Variants in GNAQ observed in about 807,000 individuals in gnomAD.
GNAQ encodes the protein guanine nucleotide-binding protein G(q) subunit alpha.
GNAQ carries 8 observed loss-of-function variants against 43.9 expected under a neutral mutation model. The observed-to-expected ratio is 0.18, with a 90% confidence interval of 0.11 to 0.33. GNAQ has a LOEUF of 0.33. Ranked by LOEUF, GNAQ falls within the 10% of genes least tolerant of loss-of-function variation. GNAQ has a pLI of 1.00. For missense variants in GNAQ, 158 were observed against 450.8 expected, an observed-to-expected ratio of 0.35 and a Z score of 5.88; for synonymous variants, 155 against 170.7, an observed-to-expected ratio of 0.91 and a Z score of 0.71.
chr9:77,917,476 T>C (rs531335393), intron 2 of GNAQ, among the ~76,000 whole-genome samples: 3 of 151,992 alleles, frequency 2.0e-5, no homozygotes, highest in East Asian at 1.9e-4. Flanking sequence ...AGTTTACCTA[T>C]AAACAAACCT....
chr9:77,888,615 G>C (rs535781266), intron 2 of GNAQ, among the ~76,000 whole-genome samples: 1 of 152,128 alleles, frequency 6.6e-6, no homozygotes, highest in Non-Finnish European at 1.5e-5. Context: ...CCTAAGGTTG[G>C]AGTTCTGCTT....
chr9:77,841,588 T>A (rs1056881504), intron 2 of GNAQ, among the ~76,000 whole-genome samples: 4 of 152,208 alleles, frequency 2.6e-5, no homozygotes, highest in African/African-American at 9.7e-5. Flanking sequence ...ATCCTAGAAT[T>A]TGTATATCAA....
At chr9:78,005,664 C>A (rs760193634) in intron 1 of GNAQ, among the ~76,000 whole-genome samples, 15 of 152,184 alleles carry the variant, frequency 9.9e-5, no homozygotes, top group Non-Finnish European at 2.1e-4. Context: ...ATCCTCCCAA[C>A]AAACTTGGTG....
At chr9:78,019,157 A>T (rs1823873940) in intron 1 of GNAQ, among the ~76,000 whole-genome samples, 2 of 152,242 alleles carry the variant, frequency 1.3e-5, no homozygotes, top group Non-Finnish European at 2.9e-5. Flanking sequence ...GATGTATTGG[A>T]TAAGGAAACA....
chr9:77,993,273 GATATATA>G (rs541566113), intron 1 of GNAQ, among the ~76,000 whole-genome samples: 210 of 152,014 alleles, frequency 1.4e-3, no homozygotes, highest in Non-Finnish European at 2.5e-3. Flanking sequence ...ATTAACAGTT[GATATATA>G]ATATATATAG....
rs560728801 is a variant in GNAQ at position 77,841,597 on chromosome 9, A to C, written c.322-25827T>G. On this transcript the variant is annotated intron_variant, in intron 2 of 6. Coordinates refer to ENST00000286548, the MANE Select transcript of GNAQ (RefSeq NM_002072.5). ...AGCTGCATCCTAGAATTTGTATATC[A>C]AATGAAGCTACAAGAATCATTATTA... Among the ~76,000 whole-genome samples the C allele has an allele frequency of 5.3e-5, 8 of 152,358 alleles. No individual in the cohort carries two copies. The East Asian group carries it at 1.5e-3, about 29-fold the overall frequency.
chr9:77,950,532 C>A (rs1055131520), intron 1 of GNAQ, among the ~76,000 whole-genome samples: 2 of 152,178 alleles, frequency 1.3e-5, no homozygotes, highest in Admixed American at 1.3e-4. Flanking sequence ...TCTGCTTTCT[C>A]ATGTATGAAA....
At chr9:77,842,672 C>T (rs979847196) in intron 2 of GNAQ, among the ~76,000 whole-genome samples, 1 of 152,060 alleles carries the variant, frequency 6.6e-6, no homozygotes, top group Non-Finnish European at 1.5e-5. Context: ...CCCTGGTTTC[C>T]CATGCTAGGA....
intron 1 of GNAQ, among the ~76,000 whole-genome samples, chr9:77,999,245 C>G (rs967377809): frequency 1.2e-4 from 18 of 152,012 alleles, no homozygotes; most frequent in African/African-American, 3.4e-4. Context: ...ATAACTTTGG[C>G]TTACATGATT....
intron 1 of GNAQ, among the ~76,000 whole-genome samples, chr9:77,987,537 T>G (rs1564171474): frequency 6.6e-6 from 1 of 152,172 alleles, no homozygotes; most frequent in Non-Finnish European, 1.5e-5. Flanking sequence ...TGTGAATATC[T>G]CTCGGCAATC....
At chr9:77,977,295 C>A (rs565161208) in intron 1 of GNAQ, among the ~76,000 whole-genome samples, 9 of 152,238 alleles carry the variant, frequency 5.9e-5, no homozygotes, top group Non-Finnish European at 1.3e-4. Flanking sequence ...GTCTCCACAA[C>A]AACACAGATT....
At chr9:77,833,528 C>A (rs1827334689) in intron 2 of GNAQ, among the ~76,000 whole-genome samples, 1 of 152,190 alleles carries the variant, frequency 6.6e-6, no homozygotes. Flanking sequence ...CAGTTCATAT[C>A]TTTGCCTTTG....
At chr9:77,986,956 T>C (rs904546586) in intron 1 of GNAQ, among the ~76,000 whole-genome samples, 1 of 152,170 alleles carries the variant, frequency 6.6e-6, no homozygotes, top group Non-Finnish European at 1.5e-5. Flanking sequence ...ATTATATTGA[T>C]AATGCTTAGC....
At chr9:77,870,887 T>C (rs1039288258) in intron 2 of GNAQ, among the ~76,000 whole-genome samples, 10 of 152,010 alleles carry the variant, frequency 6.6e-5, no homozygotes, top group South Asian at 4.1e-4. Context: ...TACTATGAGA[T>C]TCCATTCCTA....
At chr9:77,755,164 G>GT (rs1235858032) in intron 5 of GNAQ, among the ~76,000 whole-genome samples, 1 of 152,180 alleles carries the variant, frequency 6.6e-6, no homozygotes, top group Non-Finnish European at 1.5e-5. Flanking sequence ...TCATTCATTT[G>GT]TAAGAGCTAA....
At chr9:77,799,351 A>T (rs1826706920) in intron 3 of GNAQ, among the ~76,000 whole-genome samples, 1 of 152,250 alleles carries the variant, frequency 6.6e-6, no homozygotes, top group East Asian at 1.9e-4. Context: ...CCTTGTGCAT[A>T]GCATGTTATA....
At chr9:77,816,736 A>C (rs1271495643) in intron 2 of GNAQ, among the ~76,000 whole-genome samples, 1 of 152,226 alleles carries the variant, frequency 6.6e-6, no homozygotes, top group Non-Finnish European at 1.5e-5. Context: ...TTTGTATAGA[A>C]ATACAAACTT....
intron 5 of GNAQ, among the ~76,000 whole-genome samples, chr9:77,765,670 A>G (rs572851183): frequency 1.3e-5 from 2 of 152,364 alleles, no homozygotes; most frequent in East Asian, 3.9e-4. Context: ...GAACATAAAA[A>G]GATACAGCTG....
At chr9:77,794,224 T>G (rs1231093822) in intron 5 of GNAQ, among the ~76,000 whole-genome samples, 3 of 152,140 alleles carry the variant, frequency 2.0e-5, no homozygotes, top group Non-Finnish European at 2.9e-5. Flanking sequence ...TTTCAGAACC[T>G]CTGCATAGTG....
Sources: gnomAD v4.1 joint callset for allele counts (sites outside exome capture counted in the v4.1 genomes callset) on GRCh38, gnomAD v4.1.1 for gene constraint, MANE v1.5 for transcripts, NCBI Gene and HGNC (gene_info 2026-07-23, HGNC 2026-07-21) for gene names.